DMXL1: variants seen among roughly 807,000 people sequenced by gnomAD.
The protein encoded by DMXL1 is dmX-like protein 1.
Under a neutral mutation model 319.2 loss-of-function variants are expected in DMXL1, and 99 were observed. The observed-to-expected ratio is 0.31, with a 90% confidence interval of 0.26 to 0.37. DMXL1 has a LOEUF of 0.37. Ranked by LOEUF, DMXL1 falls within the 10% of genes least tolerant of loss-of-function variation. The probability of loss-of-function intolerance (pLI) is 1.00; values close to 1 mark genes in which losing one functional copy is unlikely to be tolerated. For missense variants in DMXL1, 3,745 were observed against 3,595.6 expected (o/e 1.04, Z -1.06); for synonymous variants, 1,385 against 1,235.2 (o/e 1.12, Z -2.54).
intron 22 of DMXL1, 148 bp downstream of exon 22, chr5:119,166,929 ATTTAAAAT>A: frequency 1.6e-6 from 1 of 643,332 alleles, no homozygotes; most frequent in Non-Finnish European, 2.5e-6. Flanking sequence ...TAATAAAGAC[ATTTAAAAT>A]TTTGACTGTT....
At chr5:119,132,717 C>T (rs914766681) in intron 10 of DMXL1, 8 of 496,656 alleles carry the variant, frequency 1.6e-5, no homozygotes, top group Admixed American at 7.1e-5. Flanking sequence ...TCTGGGTTGA[C>T]AATTAGTCCT....
intron 1 of DMXL1, among the ~76,000 whole-genome samples, chr5:119,083,081 G>A (rs1250615096): frequency 1.3e-5 from 2 of 152,146 alleles, no homozygotes; most frequent in Admixed American, 6.5e-5. Context: ...CATGATCTTG[G>A]CTCACTGCAA....
chr5:119,143,689 C>G (rs1224831017), intron 13 of DMXL1, 152 bp from the exon 14 acceptor site: 1 of 454,572 alleles, frequency 2.2e-6, no homozygotes, highest in Non-Finnish European at 3.9e-6. Flanking sequence ...CCTATAAAGA[C>G]TAAAGACCTA....
At chr5:119,086,434 C>T (rs1206316847) in intron 1 of DMXL1, among the ~76,000 whole-genome samples, 1 of 152,110 alleles carries the variant, frequency 6.6e-6, no homozygotes, top group East Asian at 1.9e-4. Context: ...ATGTGTTGTT[C>T]AATTTGGTTT....
intron 9 of DMXL1, among the ~76,000 whole-genome samples, chr5:119,123,033 A>C (rs571094405): frequency 2.6e-5 from 4 of 152,298 alleles, no homozygotes; most frequent in Admixed American, 2.6e-4. Context: ...TGAGTGAACA[A>C]GACTCCATCT....
At chr5:119,165,570 C>G (rs986823666) in intron 21 of DMXL1, among the ~76,000 whole-genome samples, 1 of 152,176 alleles carries the variant, frequency 6.6e-6, no homozygotes, top group Admixed American at 6.5e-5. Flanking sequence ...ATGTATTAGT[C>G]CGTTTTCATG....
chr5:119,135,574 C>T (rs1580934720), intron 13 of DMXL1, among the ~76,000 whole-genome samples: 1 of 152,150 alleles, frequency 6.6e-6, no homozygotes, highest in Non-Finnish European at 1.5e-5. Context: ...TTGAATTATA[C>T]TTCCCACGTG....
At chr5:119,226,665 A>C (rs912823583) in intron 38 of DMXL1, among the ~76,000 whole-genome samples, 2 of 152,162 alleles carry the variant, frequency 1.3e-5, no homozygotes, top group Non-Finnish European at 2.9e-5. Flanking sequence ...TTAAGGGCTC[A>C]GTCCCACAAA....
intron 19 of DMXL1, among the ~76,000 whole-genome samples, chr5:119,160,844 G>A (rs970602938): frequency 6.6e-6 from 1 of 151,644 alleles, no homozygotes; most frequent in Non-Finnish European, 1.5e-5. Flanking sequence ...ATTCTATTTC[G>A]GTTTCTATTT....
At chr5:119,123,782 C>T (rs911146812) in intron 9 of DMXL1, among the ~76,000 whole-genome samples, 4 of 28 alleles carry the variant, frequency 0.14, no homozygotes, top group Non-Finnish European at 0.33. Flanking sequence ...AGGCGGGAGC[C>T]ACTGTGCCTG....
chr5:119,180,331 A>G (rs1006530606), intron 28 of DMXL1, among the ~76,000 whole-genome samples: 9 of 152,144 alleles, frequency 5.9e-5, no homozygotes, highest in South Asian at 2.1e-4. Context: ...CCTTTAGCCA[A>G]TCTAGGGGCT....
chr5:119,153,475 C>G (rs1260242003), intron 19 of DMXL1, among the ~76,000 whole-genome samples: 1 of 152,158 alleles, frequency 6.6e-6, no homozygotes, highest in Non-Finnish European at 1.5e-5. Flanking sequence ...TTGAAATATA[C>G]AATACACTAT....
chr5:119,218,356 T>C (rs183534433), intron 35 of DMXL1, among the ~76,000 whole-genome samples: 4 of 152,324 alleles, frequency 2.6e-5, no homozygotes, highest in East Asian at 1.9e-4. Context: ...TATTCACATA[T>C]ATAAAGTCTA....
intron 5 of DMXL1, among the ~76,000 whole-genome samples, chr5:119,111,579 G>A (rs961084393): frequency 1.3e-5 from 2 of 152,072 alleles, no homozygotes; most frequent in African/African-American, 4.8e-5. Context: ...GACTAAGAAT[G>A]ACACCCAAAC....
chr5:119,240,819 A>G (rs973789936), intron 42 of DMXL1, among the ~76,000 whole-genome samples: 1 of 152,206 alleles, frequency 6.6e-6, no homozygotes, highest in African/African-American at 2.4e-5. Context: ...ATGCAGTAAC[A>G]CAATAATAGG....
At chr5:119,172,237 C>T (rs1293309638) in intron 25 of DMXL1, among the ~76,000 whole-genome samples, 1 of 152,064 alleles carries the variant, frequency 6.6e-6, no homozygotes, top group Non-Finnish European at 1.5e-5. Context: ...AAAATAGGTA[C>T]GTATGAGTCC....
At chr5:119,215,530 T>G (rs1425629356) in intron 34 of DMXL1, among the ~76,000 whole-genome samples, 1 of 152,014 alleles carries the variant, frequency 6.6e-6, no homozygotes, top group East Asian at 1.9e-4. Context: ...TTAGTAAAAT[T>G]TTGTACTTTT....
chr5:119,240,998 G>A (rs1373037407), intron 42 of DMXL1, among the ~76,000 whole-genome samples: 1 of 152,096 alleles, frequency 6.6e-6, no homozygotes, highest in Non-Finnish European at 1.5e-5. Flanking sequence ...CATAAGGATT[G>A]GGATGCTGAC....
chr5:119,161,711 C>T (rs761984320), intron 19 of DMXL1, among the ~76,000 whole-genome samples: 2 of 152,110 alleles, frequency 1.3e-5, no homozygotes, highest in African/African-American at 4.8e-5. Flanking sequence ...CTGAAATATG[C>T]TGAGGTAGAT....
Sources: allele counts gnomAD v4.1 joint callset (sites outside exome capture counted in the v4.1 genomes callset), GRCh38; gene constraint gnomAD v4.1.1; transcripts MANE v1.5; gene names NCBI Gene and HGNC (gene_info 2026-07-23, HGNC 2026-07-21).